RPIA: variants seen among roughly 807,000 people sequenced by gnomAD.
The protein encoded by RPIA is ribose 5-phosphate isomerase A, also known as ribose-5-phosphate isomerase.
RPIA carries 29 observed loss-of-function variants against 37.8 expected under a neutral mutation model. The ratio of observed to expected loss-of-function variants is 0.77; its 90% CI spans 0.57 to 1.05. The LOEUF (loss-of-function observed/expected upper bound fraction) is 1.05. Among genes scored for constraint, RPIA ranks in the 50% least tolerant of loss-of-function variants. The pLI, the probability that RPIA is intolerant of heterozygous loss-of-function variation, is 0.00. For missense variants in RPIA, 385 were observed against 413.6 expected (o/e 0.93, Z 0.60); for synonymous variants, 167 against 157.0 (o/e 1.06, Z -0.48).
chr2:88,729,245 A>G, intron 3 of RPIA, 33 bp from the exon 4 acceptor site: 4 of 1,609,980 alleles, frequency 2.5e-6, no homozygotes, highest in Non-Finnish European at 3.4e-6. Flanking sequence ...ACTCAAGTAA[A>G]TGATCGTGGT....
chr2:88,715,508 A>G (rs1315689811), intron 3 of RPIA, among the ~76,000 whole-genome samples: 1 of 152,230 alleles, frequency 6.6e-6, no homozygotes, highest in Non-Finnish European at 1.5e-5. Flanking sequence ...GTGAGGATAC[A>G]AGTGATCAGT....
In RPIA at chr2:88,740,201, T is replaced by G. The variant is rs1185933602; in HGVS notation, c.838+2125T>G. Among the ~76,000 whole-genome samples the G allele has an allele frequency of 2.0e-5, 3 of 152,158 alleles. No homozygotes were observed. In the East Asian group the frequency reaches 5.8e-4, roughly 29 times the overall value. On this transcript the variant is annotated intron_variant, in intron 8 of 8. Coordinates refer to ENST00000283646, the MANE Select transcript of RPIA (RefSeq NM_144563.3). ...GAGTTCTTGCAGTGCCCACTAGGTG[T>G]CACTCTTGCTCCTGGTTAGACCTTG...
intron 6 of RPIA, 55 bp downstream of exon 6, chr2:88,735,792 C>T: frequency 6.5e-7 from 1 of 1,529,414 alleles, no homozygotes; most frequent in Non-Finnish European, 9.1e-7. Flanking sequence ...GATCCCCAAG[C>T]CGCATCCCCA....
chr2:88,726,637 G>T (rs1673200325), intron 3 of RPIA, among the ~76,000 whole-genome samples: 1 of 152,210 alleles, frequency 6.6e-6, no homozygotes, highest in African/African-American at 2.4e-5. Context: ...GTATATGGTA[G>T]AGAAGAAGTA....
intron 8 of RPIA, among the ~76,000 whole-genome samples, chr2:88,739,505 A>G (rs777315905): frequency 1.6e-4 from 25 of 152,226 alleles, no homozygotes; most frequent in Non-Finnish European, 3.5e-4. Flanking sequence ...GAAAGGTACT[A>G]TTGTTATTTT....
rs1673489623 is a variant in RPIA at position 88,750,279 on chromosome 2, C to T, written c.*201C>T. The T allele has an allele frequency of 2.3e-6, 1 of 439,024 alleles. No homozygotes were observed. Among genetic ancestry groups the T allele is most frequent in the South Asian group, 3.6e-5 (1 of 28,040 alleles). The allele number at this position is 439,024 out of a possible 1,614,324, so 27.2% of individuals were successfully genotyped here. The stretch of plus-strand genomic sequence containing the variant: ...GTCTTTTTAAAAAGAGAAATATAAA[C>T]ATATATTTTTACTATTAAAATATTC... On this transcript the variant is annotated 3_prime_UTR_variant, in exon 9 of 9. Transcript: ENST00000283646.
intron 2 of RPIA, 137 bp from the exon 3 acceptor site, chr2:88,699,872 A>AGG: frequency 1.2e-6 from 1 of 848,424 alleles, no homozygotes; most frequent in East Asian, 2.6e-5. Context: ...CCCACCAAGG[A>AGG]GGGGGACACA....
intron 1 of RPIA, among the ~76,000 whole-genome samples, chr2:88,696,610 T>C (rs1335106592): frequency 6.6e-6 from 1 of 152,126 alleles, no homozygotes; most frequent in Non-Finnish European, 1.5e-5. Flanking sequence ...AACAAATATA[T>C]GTCAAAGATT....
At chr2:88,734,065 T>C (rs1673284307) in intron 4 of RPIA, among the ~76,000 whole-genome samples, 1 of 151,960 alleles carries the variant, frequency 6.6e-6, no homozygotes, top group Admixed American at 6.5e-5. Context: ...TTGCTCACAG[T>C]TAGTACAGAG....
Position 88,750,546 on chromosome 2 carries a change from T to G in RPIA, c.*468T>G. ...TGTTTACTTGTCTGCTACCCTCTGA[T>G]TTGTTTTTAGTTAGTTTTTATTGTG... On this transcript the variant is annotated 3_prime_UTR_variant, in exon 9 of 9. Transcript: ENST00000283646. The G allele has an allele frequency of 2.4e-6, 1 of 414,922 alleles. No homozygotes were observed. The highest frequency in any genetic ancestry group is 4.2e-6 in the Non-Finnish European group (1 of 235,304). 25.7% of individuals were successfully genotyped at this position (414,922 alleles called of 1,614,324 possible). A position where few individuals can be genotyped will look rare whatever the true frequency, so the allele number is the denominator to read the frequency against.
At chr2:88,717,773 C>G (rs998358871) in intron 3 of RPIA, among the ~76,000 whole-genome samples, 1 of 152,102 alleles carries the variant, frequency 6.6e-6, no homozygotes, top group Admixed American at 6.6e-5. Flanking sequence ...ATTGTTTATT[C>G]CTAGACAGGT....
intron 3 of RPIA, among the ~76,000 whole-genome samples, chr2:88,727,196 A>G (rs560561915): frequency 1.3e-5 from 2 of 152,268 alleles, no homozygotes; most frequent in African/African-American, 4.8e-5. Context: ...GTTCTCTGTA[A>G]ACTAATCTCA....
rs1385524930 is a variant in RPIA, at chr2:88,697,344, CATTT to C, written c.286-1137_286-1134del. On this transcript the variant is annotated intron_variant, in intron 1 of 8. Coordinates refer to ENST00000283646, the MANE Select transcript of RPIA (RefSeq NM_144563.3). Reference sequence around the variant, plus strand: ...GTTGTGAGATTTGGCTTTATATTAACATTTATAAGTCTTCTTGGTAGGTGCTTAA... The same window carrying C: ...GTTGTGAGATTTGGCTTTATATTAACATAAGTCTTCTTGGTAGGTGCTTAA... Among the ~76,000 whole-genome samples the C allele has an allele frequency of 6.6e-5, 10 of 152,370 alleles. No individual in the cohort carries two copies. The South Asian group carries it at 1.2e-3, about 19-fold the overall frequency.
At chr2:88,743,017 T>A (rs1673401659) in intron 8 of RPIA, among the ~76,000 whole-genome samples, 1 of 152,118 alleles carries the variant, frequency 6.6e-6, no homozygotes, top group Non-Finnish European at 1.5e-5. Context: ...TCCTCTTTAC[T>A]GATTTGGATG....
chr2:88,713,694 C>T (rs977600070), intron 3 of RPIA, among the ~76,000 whole-genome samples: 1 of 151,920 alleles, frequency 6.6e-6, no homozygotes, highest in Non-Finnish European at 1.5e-5. Context: ...ATTTTTCTTC[C>T]CTCTGTTTTT....
intron 6 of RPIA, 141 bp from the exon 7 acceptor site, chr2:88,736,394 C>A: frequency 1.3e-6 from 1 of 757,640 alleles, no homozygotes; most frequent in Non-Finnish European, 2.2e-6. Flanking sequence ...ACAGCTAATT[C>A]ATTTGTAGCC....
chr2:88,701,737 T>G (rs987080775), intron 3 of RPIA, among the ~76,000 whole-genome samples: 1 of 152,270 alleles, frequency 6.6e-6, no homozygotes, highest in South Asian at 2.1e-4. Context: ...CTTTCTGTTG[T>G]AATTCAGTAG....
chr2:88,750,754 A>G lies in RPIA; in HGVS notation c.*676A>G. The G allele has an allele frequency of 2.5e-6, 1 of 398,850 alleles. No individual in the cohort carries two copies. The highest frequency in any genetic ancestry group is 4.4e-6 in the Non-Finnish European group (1 of 226,120). 24.7% of individuals were successfully genotyped at this position (398,850 alleles called of 1,614,324 possible). On this transcript the variant is annotated 3_prime_UTR_variant, in exon 9 of 9. Transcript: ENST00000283646. The stretch of plus-strand genomic sequence containing the variant: ...AAGCAGTTGACCAGAAATGCTTGCC[A>G]GTACTGCCAAAGCACTGCTGTGAAA...
chr2:88,729,500 C>A lies in RPIA; in HGVS notation c.462+163C>A, dbSNP rs570409867. ...CTTGAGTATTAATTTTGGCTGAGGT[C>A]ACAAGTGCCGAGGTGGTTCCTTTCC... On this transcript the variant is annotated intron_variant, in intron 4 of 8. Transcript: ENST00000283646. 4.6e-5 allele frequency among the ~76,000 whole-genome samples: 7 copies of A among 152,288 alleles called. No homozygotes were observed. In the East Asian group the frequency reaches 1.4e-3, roughly 29 times the overall value.
Sources: allele counts gnomAD v4.1 joint callset (sites outside exome capture counted in the v4.1 genomes callset), GRCh38; gene constraint gnomAD v4.1.1; transcripts MANE v1.5; gene names NCBI Gene and HGNC (gene_info 2026-07-23, HGNC 2026-07-21).